SLC25A24: variants seen among roughly 807,000 people sequenced by gnomAD.
The protein encoded by SLC25A24 is solute carrier family 25 member 24.
A neutral mutation model predicts 60.7 loss-of-function variants in SLC25A24; 49 were observed. The observed-to-expected ratio is 0.81, with a 90% confidence interval of 0.64 to 1.02. The LOEUF (loss-of-function observed/expected upper bound fraction) is 1.02, where lower values mean the gene tolerates loss of function less well. SLC25A24 is among the 50% of genes least tolerant of loss of function. SLC25A24 has a pLI of 0.00. For missense variants in SLC25A24, 564 were observed against 586.3 expected (o/e 0.96, Z 0.39); for synonymous variants, 202 against 200.6 (o/e 1.01, Z -0.06).
intron 3 of SLC25A24, among the ~76,000 whole-genome samples, chr1:108,166,163 G>A (rs1680247093): frequency 6.6e-6 from 1 of 152,198 alleles, no homozygotes; most frequent in Non-Finnish European, 1.5e-5. Flanking sequence ...CAAGAGATCC[G>A]CTGTTAGTCT....
At chr1:108,166,556 G>A (rs1326632530) in intron 3 of SLC25A24, among the ~76,000 whole-genome samples, 22 of 151,444 alleles carry the variant, frequency 1.5e-4, no homozygotes, top group East Asian at 3.9e-4. Context: ...ATCTTCCATC[G>A]CTGATACCCT....
intron 4 of SLC25A24, among the ~76,000 whole-genome samples, chr1:108,157,990 T>C (rs1475426049): frequency 6.6e-6 from 1 of 152,044 alleles, no homozygotes; most frequent in Admixed American, 6.5e-5. Context: ...GAAAACCAAC[T>C]GGTGATGACA....
chr1:108,162,810 T>C (rs1277369494), intron 3 of SLC25A24, among the ~76,000 whole-genome samples: 27 of 138,218 alleles, frequency 2.0e-4, no homozygotes, highest in Admixed American at 2.9e-4. Context: ...TAGATCCCAT[T>C]TGTCAATTTT....
At position 108,139,228 on chromosome 1, in the gene SLC25A24, G is replaced by T; in HGVS notation, c.1099-20C>A. 2 of 1,576,102 alleles carry T rather than the reference G, an allele frequency of 1.3e-6. No individual in the cohort carries two copies. The highest frequency in any genetic ancestry group is 4.6e-5 in the East Asian group (2 of 43,532). ...CAAGAGCTGCCAGAGAAATAAAGAA[G>T]AAAATAATTAACGAACTCTACAACT... On this transcript the variant is annotated intron_variant, in intron 8 of 9. Coordinates refer to ENST00000565488, the MANE Select transcript of SLC25A24 (RefSeq NM_013386.5).
chr1:108,143,215 G>A (rs567503675), intron 8 of SLC25A24, among the ~76,000 whole-genome samples: 7 of 152,312 alleles, frequency 4.6e-5, no homozygotes, highest in South Asian at 2.1e-4. Context: ...TATTACTCAT[G>A]TTAGTCACAT....
At chr1:108,165,622 CT>C (rs971664768) in intron 3 of SLC25A24, among the ~76,000 whole-genome samples, 1 of 151,974 alleles carries the variant, frequency 6.6e-6, no homozygotes, top group Admixed American at 6.6e-5. Context: ...CAACCCCTGT[CT>C]TTTTTTGTTT....
intron 3 of SLC25A24, among the ~76,000 whole-genome samples, chr1:108,170,031 C>T (rs954565316): frequency 8.6e-5 from 13 of 152,012 alleles, no homozygotes; most frequent in Non-Finnish European, 7.4e-5. Context: ...TTATTATCTC[C>T]TTCCTCCTAC....
At chr1:108,165,810 T>C (rs1229728912) in intron 3 of SLC25A24, among the ~76,000 whole-genome samples, 1 of 152,204 alleles carries the variant, frequency 6.6e-6, no homozygotes, top group Non-Finnish European at 1.5e-5. Context: ...GTTAATATTG[T>C]TATGTGTGAA....
At chr1:108,175,706 T>C (rs983277445) in intron 3 of SLC25A24, among the ~76,000 whole-genome samples, 4 of 151,294 alleles carry the variant, frequency 2.6e-5, no homozygotes, top group Non-Finnish European at 5.9e-5. Context: ...AAAATAAAAA[T>C]CAAAAAATGA....
chr1:108,185,366 T>C (rs1648083882), intron 2 of SLC25A24, among the ~76,000 whole-genome samples: 1 of 152,168 alleles, frequency 6.6e-6, no homozygotes, highest in South Asian at 2.1e-4. Context: ...ATCAGAGATA[T>C]CTTCTCTAAA....
chr1:108,189,617 C>A (rs1427008945), intron 1 of SLC25A24, among the ~76,000 whole-genome samples: 4 of 151,950 alleles, frequency 2.6e-5, no homozygotes. Context: ...AAGTACAAGA[C>A]CAGTCTGGCC....
At chr1:108,141,556 T>C (rs1311124494) in intron 8 of SLC25A24, among the ~76,000 whole-genome samples, 1 of 152,180 alleles carries the variant, frequency 6.6e-6, no homozygotes, top group Non-Finnish European at 1.5e-5. Context: ...TGAAGAGATA[T>C]TTGCACAACC....
chr1:108,179,977 T>C (rs2101635897), intron 3 of SLC25A24, among the ~76,000 whole-genome samples: 1 of 152,294 alleles, frequency 6.6e-6, no homozygotes, highest in Non-Finnish European at 1.5e-5. Context: ...GATAAATACA[T>C]GTAATTCTGT....
chr1:108,159,449 A>T (rs1679991325), intron 4 of SLC25A24, among the ~76,000 whole-genome samples: 1 of 145,680 alleles, frequency 6.9e-6, no homozygotes, highest in Non-Finnish European at 1.5e-5. Flanking sequence ...ATGGACATTT[A>T]TGCAGTCTTG....
At position 108,192,742 on chromosome 1, in the gene SLC25A24, C is replaced by G. The variant is rs1409381901; in HGVS notation, c.184-6788G>C. Reference sequence around the variant, plus strand: ...AGTGGGAAGAGGCCTAAGACAGCATCCTCCTCAGGGGCGCCAAACACAATG... The same window carrying G: ...AGTGGGAAGAGGCCTAAGACAGCATGCTCCTCAGGGGCGCCAAACACAATG... On this transcript the variant is annotated intron_variant, in intron 1 of 9. Transcript: ENST00000565488. 9 of 1,389,886 alleles carry G rather than the reference C, an allele frequency of 6.5e-6. 1 individual carries two copies. Among genetic ancestry groups the G allele is most frequent in the Non-Finnish European group, 8.5e-6 (9 of 1,060,842 alleles). The allele number at this position is 1,389,886 out of a possible 1,614,324, so 86.1% of individuals were successfully genotyped here. A position where few individuals can be genotyped will look rare whatever the true frequency, so the allele number is the denominator to read the frequency against.
chr1:108,154,431 CAG>C (rs1428971125), intron 6 of SLC25A24, among the ~76,000 whole-genome samples: 1 of 152,156 alleles, frequency 6.6e-6, no homozygotes, highest in African/African-American at 2.4e-5. Context: ...CAAAAGCCGA[CAG>C]AGAAGTGATT....
rs1333264175 is a variant in SLC25A24, at chr1:108,157,619, C to A, written c.512G>T (p.Gly171Val). Residue 171 changes from glycine (G) to valine (V), a missense_variant and splice_region_variant, in exon 5 of 10, where the codon GGA becomes GTA. Coordinates refer to ENST00000565488, the MANE Select transcript of SLC25A24 (RefSeq NM_013386.5). ...AGTTAAGCTATCCCCTATGTCAATT[C>A]CCTGTAAAAATGAAAAAAAGATCCC... Reference protein sequence around the residue: ...EIIRFWKHSTGIDIGDSLTIP... With the variant: ...EIIRFWKHSTVIDIGDSLTIP... The A allele has an allele frequency of 6.2e-7, 1 of 1,609,950 alleles. No homozygotes were observed. Among genetic ancestry groups the A allele is most frequent in the Admixed American group, 1.7e-5 (1 of 59,718 alleles).
chr1:108,165,745 C>A (rs1391695109), intron 3 of SLC25A24, among the ~76,000 whole-genome samples: 1 of 152,134 alleles, frequency 6.6e-6, no homozygotes, highest in East Asian at 1.9e-4. Context: ...GACTCTGTAT[C>A]CAATTTGCCA....
Position 108,139,037 on chromosome 1 carries a change from G to T in SLC25A24, c.1249+21C>A, listed in dbSNP as rs368891100. On this transcript the variant is annotated intron_variant, in intron 9 of 9. Coordinates refer to ENST00000565488, the MANE Select transcript of SLC25A24 (RefSeq NM_013386.5). Reference sequence around the variant, plus strand: ...CTGGTGCAGCACTTTTATCGGTGTGGTTCTGTAATCAAAAATTCACCTTGA... The same window carrying T: ...CTGGTGCAGCACTTTTATCGGTGTGTTTCTGTAATCAAAAATTCACCTTGA... 1.7e-5 allele frequency: 27 copies of T among 1,556,772 alleles called. No individual in the cohort carries two copies. In the African/African-American group the frequency reaches 3.7e-4, roughly 21 times the overall value.
Sources: allele counts gnomAD v4.1 joint callset (sites outside exome capture counted in the v4.1 genomes callset), GRCh38; gene constraint gnomAD v4.1.1; transcripts MANE v1.5; gene names NCBI Gene and HGNC (gene_info 2026-07-23, HGNC 2026-07-21).